BNC2: variants seen among roughly 807,000 people sequenced by gnomAD.
BNC2 encodes basonuclin zinc finger protein 2, also known as zinc finger protein basonuclin-2.
In BNC2, 20 loss-of-function variants were observed where a neutral mutation model predicts 76.3. The observed-to-expected ratio is 0.26, with a 90% CI of 0.18 to 0.38. The LOEUF (loss-of-function observed/expected upper bound fraction) is 0.38. Ranked by LOEUF, BNC2 falls within the 10% of genes least tolerant of loss-of-function variation. The probability of loss-of-function intolerance (pLI) is 1.00; values close to 1 mark genes in which losing one functional copy is unlikely to be tolerated. For synonymous variants in BNC2, 582 were observed against 514.8 expected (o/e 1.13, Z -1.77); for missense variants, 1,382 against 1,399.8 (o/e 0.99, Z 0.20).
intron 3 of BNC2, among the ~76,000 whole-genome samples, chr9:16,657,166 A>C (rs941099313): frequency 2.6e-4 from 39 of 152,154 alleles, no homozygotes; most frequent in African/African-American, 9.2e-4. Context: ...AATCTGCAGA[A>C]ATTTAAAATA....
At chr9:16,834,462 G>C (rs552332254) in intron 1 of BNC2, among the ~76,000 whole-genome samples, 1 of 152,158 alleles carries the variant, frequency 6.6e-6, no homozygotes, top group East Asian at 1.9e-4. Context: ...CAGGCTTAGA[G>C]TCAGACTATA....
chr9:16,619,216 A>G (rs941400539), intron 3 of BNC2, among the ~76,000 whole-genome samples: 5 of 152,350 alleles, frequency 3.3e-5, no homozygotes, highest in African/African-American at 1.2e-4. Context: ...ATATTCACAG[A>G]AAAATAAATA....
chr9:16,782,780 G>T (rs1826189927), intron 1 of BNC2, among the ~76,000 whole-genome samples: 1 of 152,162 alleles, frequency 6.6e-6, no homozygotes, highest in African/African-American at 2.4e-5. Flanking sequence ...CTGAAGGCCA[G>T]AAACGTCTAC....
At chr9:16,811,310 G>C (rs1818046050) in intron 1 of BNC2, among the ~76,000 whole-genome samples, 1 of 151,048 alleles carries the variant, frequency 6.6e-6, no homozygotes, top group East Asian at 1.9e-4. Flanking sequence ...CAGAACTTTG[G>C]GAGGCCAACG....
At chr9:16,662,353 T>C (rs1484276413) in intron 3 of BNC2, among the ~76,000 whole-genome samples, 3 of 152,194 alleles carry the variant, frequency 2.0e-5, no homozygotes, top group African/African-American at 7.2e-5. Context: ...AATACTTTAT[T>C]TAAATTCTAG....
chr9:16,647,427 C>T (rs898766496), intron 3 of BNC2, among the ~76,000 whole-genome samples: 7 of 152,024 alleles, frequency 4.6e-5, no homozygotes, highest in East Asian at 1.9e-4. Flanking sequence ...TGACAGAGGC[C>T]GACCTGGTTA....
intron 4 of BNC2, among the ~76,000 whole-genome samples, chr9:16,562,872 A>G (rs2132703721): frequency 6.6e-6 from 1 of 152,320 alleles, no homozygotes; most frequent in Non-Finnish European, 1.5e-5. Context: ...ATAGTACATA[A>G]TTACTAATTA....
At chr9:16,521,749 T>C (rs920319226) in intron 5 of BNC2, among the ~76,000 whole-genome samples, 7 of 152,222 alleles carry the variant, frequency 4.6e-5, no homozygotes, top group African/African-American at 1.7e-4. Context: ...CTCCATATCA[T>C]GTTAAATTGG....
chr9:16,841,993 G>A (rs1818842502), intron 1 of BNC2, among the ~76,000 whole-genome samples: 2 of 152,102 alleles, frequency 1.3e-5, no homozygotes, highest in African/African-American at 4.8e-5. Flanking sequence ...ATTTTTAGTA[G>A]AGACAGGGTT....
At chr9:16,551,632 C>T (rs1490584282) in intron 5 of BNC2, among the ~76,000 whole-genome samples, 1 of 152,182 alleles carries the variant, frequency 6.6e-6, no homozygotes, top group Non-Finnish European at 1.5e-5. Context: ...TGTCCTTCGG[C>T]GAGAGGGGTA....
At chr9:16,462,772 TC>T (rs1346844661) in intron 5 of BNC2, among the ~76,000 whole-genome samples, 12 of 152,286 alleles carry the variant, frequency 7.9e-5, no homozygotes, top group African/African-American at 2.9e-4. Flanking sequence ...CACATTGTCC[TC>T]CTTTGACAAA....
At chr9:16,798,459 A>G (rs546193933) in intron 1 of BNC2, among the ~76,000 whole-genome samples, 6 of 152,320 alleles carry the variant, frequency 3.9e-5, no homozygotes, top group African/African-American at 1.4e-4. Context: ...TTGTATCCCC[A>G]TTTTGCAGAC....
intron 1 of BNC2, among the ~76,000 whole-genome samples, chr9:16,837,545 G>A (rs1365047986): frequency 1.3e-5 from 2 of 152,086 alleles, no homozygotes; most frequent in Non-Finnish European, 2.9e-5. Flanking sequence ...ACCAGACTGG[G>A]AAGTCCTTGG....
intron 3 of BNC2, among the ~76,000 whole-genome samples, chr9:16,662,323 A>G (rs1340340404): frequency 1.3e-5 from 2 of 152,340 alleles, no homozygotes; most frequent in Middle Eastern, 3.4e-3. Flanking sequence ...TCTACTCTAC[A>G]CTAATTACAC....
chr9:16,614,479 CA>C (rs915125605), intron 3 of BNC2, among the ~76,000 whole-genome samples: 2 of 150,494 alleles, frequency 1.3e-5, no homozygotes, highest in African/African-American at 4.9e-5. Context: ...AAAAAAAATC[CA>C]AAAAACTCCA....
chr9:16,687,621 C>T (rs1461576188), intron 3 of BNC2, among the ~76,000 whole-genome samples: 1 of 152,130 alleles, frequency 6.6e-6, no homozygotes. Context: ...TATTATAAAA[C>T]CTCAATAAAT....
intron 5 of BNC2, among the ~76,000 whole-genome samples, chr9:16,455,980 T>C (rs533009523): frequency 1.2e-3 from 176 of 152,308 alleles, no homozygotes; most frequent in Non-Finnish European, 2.3e-3. Flanking sequence ...CTTCTCTCTG[T>C]GAACTACAGT....
At chr9:16,828,266 C>G (rs573096588) in intron 1 of BNC2, among the ~76,000 whole-genome samples, 150 of 152,200 alleles carry the variant, frequency 9.9e-4, no homozygotes, top group African/African-American at 3.5e-3. Context: ...TGTAACTAAT[C>G]CAGTGAGAAA....
chr9:16,424,125 C>T (rs1820759827), intron 6 of BNC2, among the ~76,000 whole-genome samples: 2 of 152,054 alleles, frequency 1.3e-5, no homozygotes, highest in Admixed American at 6.5e-5. Context: ...GCAAGTCTTG[C>T]CTTGGACTTC....
Sources: gnomAD v4.1 joint callset for allele counts (sites outside exome capture counted in the v4.1 genomes callset) on GRCh38, gnomAD v4.1.1 for gene constraint, MANE v1.5 for transcripts, NCBI Gene and HGNC (gene_info 2026-07-23, HGNC 2026-07-21) for gene names.